CYP4F8: variants seen among roughly 807,000 people sequenced by gnomAD.
The protein encoded by CYP4F8 is cytochrome P450 4F8.
CYP4F8 carries 56 observed loss-of-function variants against 55.0 expected under a neutral mutation model. That is an observed-to-expected ratio of 1.02 (90% CI 0.82 to 1.27). CYP4F8 has a LOEUF of 1.27. CYP4F8 is among the 50% of genes most tolerant of loss of function. The probability of loss-of-function intolerance (pLI) is 0.00; values close to 1 mark genes in which losing one functional copy is unlikely to be tolerated. For synonymous variants in CYP4F8, 288 were observed against 267.3 expected (o/e 1.08, Z -0.76); for missense variants, 680 against 682.4 (o/e 1.00, Z 0.04).
Position 15,628,571 on chromosome 19 carries a change from C to A in CYP4F8, c.1290C>A (p.Asn430Lys), listed in dbSNP as rs1376859995. The stretch of plus-strand genomic sequence containing the variant: ...TCAACATCTTCGCAATCCATCACAA[C>A]CCCTCAGTCTGGCCAGACCCTGAGG... ...CNINIFAIHH[N>K]PSVWPDPEVY... Residue 430 changes from asparagine to lysine, a missense_variant, in exon 11 of 13, where the codon AAC (asparagine) becomes AAA (lysine). Coordinates refer to ENST00000612078, the MANE Select transcript of CYP4F8 (RefSeq NM_007253.4). The A allele has an allele frequency of 4.3e-6, 7 of 1,613,828 alleles. No individual in the cohort carries two copies. The highest frequency in any genetic ancestry group is 5.9e-6 in the Non-Finnish European group (7 of 1,179,864).
At chr19:15,628,701 TGG>T in intron 11 of CYP4F8, 58 bp from the exon 12 acceptor site, 1 of 1,609,120 alleles carries the variant, frequency 6.2e-7, no homozygotes, top group Non-Finnish European at 8.5e-7. Context: ...CTGTTTTATG[TGG>T]GGGTGGCTGG....
rs748152506 is a variant in CYP4F8, at chr19:15,619,771, C to G, written c.525+9C>G. ...GTGCAAACATCATGCATGTGAGTGC[C>G]TTGAACTCAGCATCCCAGCTGCAGC... On this transcript the variant is annotated intron_variant, in intron 5 of 12. Coordinates refer to ENST00000612078, the MANE Select transcript of CYP4F8 (RefSeq NM_007253.4). The G allele has an allele frequency of 7.4e-6, 12 of 1,613,508 alleles. No individual in the cohort carries two copies. The East Asian group carries it at 2.7e-4, about 36-fold the overall frequency.
chr19:15,626,255 T>C (rs560313729), intron 9 of CYP4F8, among the ~76,000 whole-genome samples: 4 of 152,344 alleles, frequency 2.6e-5, no homozygotes, highest in Middle Eastern at 3.4e-3. Flanking sequence ...TGCTGGGCTG[T>C]AAAACACACA....
At chr19:15,620,623 G>A (rs2283604) in intron 5 of CYP4F8, among the ~76,000 whole-genome samples, 1 of 152,068 alleles carries the variant, frequency 6.6e-6, no homozygotes, top group Non-Finnish European at 1.5e-5. Context: ...AACTCCTGAC[G>A]TCAAGTGATC....
chr19:15,615,891 G>A (rs1057460585), intron 2 of CYP4F8, 77 bp downstream of exon 2: 10 of 809,370 alleles, frequency 1.2e-5, no homozygotes, highest in South Asian at 2.4e-5. Context: ...GGGTGGGCTC[G>A]GGTCTGGGAC....
At chr19:15,616,463 C>G (rs1396832379) in intron 2 of CYP4F8, among the ~76,000 whole-genome samples, 1 of 152,124 alleles carries the variant, frequency 6.6e-6, no homozygotes, top group African/African-American at 2.4e-5. Flanking sequence ...GTGGGGGTTA[C>G]GCAGCAGGTA....
chr19:15,618,443 A>G (rs1299679071), intron 3 of CYP4F8: 1 of 476,162 alleles, frequency 2.1e-6, no homozygotes, highest in Non-Finnish European at 3.9e-6. Context: ...CAGTACAGAG[A>G]CATCCCCAAC....
chr19:15,623,429 T>C (rs1972221382), intron 7 of CYP4F8, 54 bp downstream of exon 7: 3 of 1,598,364 alleles, frequency 1.9e-6, no homozygotes, highest in Non-Finnish European at 2.6e-6. Flanking sequence ...TCAGGTCAAA[T>C]GTCAGATTGA....
At chr19:15,626,607 A>ATCTATCTG (rs1359415107) in intron 9 of CYP4F8, among the ~76,000 whole-genome samples, 1 of 129,036 alleles carries the variant, frequency 7.7e-6, no homozygotes, top group African/African-American at 3.2e-5. Context: ...TGTTCTGGAT[A>ATCTATCTG]TCTATCTATC....
chr19:15,623,137 A>T lies in CYP4F8; in HGVS notation c.680A>T (p.Glu227Val), dbSNP rs1441141076. Reference sequence around the variant, plus strand: ...AGTGAATATATTACTGCGATCATGGAGCTCAGTGCCCTTGTAGTGAAACGG... The same window carrying T: ...AGTGAATATATTACTGCGATCATGGTGCTCAGTGCCCTTGTAGTGAAACGG... ...KPSEYITAIM[E>V]LSALVVKRNN... The change falls in exon 7 of 13, where the codon GAG becomes GTG. Residue 227 changes from glutamate to valine, a missense_variant. By Grantham distance (121) the Glu-to-Val change is moderately radical (BLOSUM62 -2). Coordinates refer to ENST00000612078, the MANE Select transcript of CYP4F8 (RefSeq NM_007253.4). The T allele has an allele frequency of 1.9e-6, 3 of 1,614,050 alleles. No individual in the cohort carries two copies. Among genetic ancestry groups the T allele is most frequent in the Non-Finnish European group, 1.7e-6 (2 of 1,179,994 alleles).
chr19:15,618,124 G>A lies in CYP4F8; in HGVS notation c.323G>A (p.Arg108Gln), dbSNP rs773731200. 17 of 1,613,958 alleles carry A rather than the reference G, an allele frequency of 1.1e-5. No individual in the cohort carries two copies. Among genetic ancestry groups the A allele is most frequent in the Middle Eastern group, 1.6e-4 (1 of 6,084 alleles). The change falls in exon 3 of 13, where the codon CGA (arginine) becomes CAA (glutamine). Residue 108 changes from arginine to glutamine, a missense_variant. By Grantham distance (43) the Arg-to-Gln change is conservative. Coordinates refer to ENST00000612078, the MANE Select transcript of CYP4F8 (RefSeq NM_007253.4). Reference protein sequence around the residue: ...IINLCHPDIVRSVINTSDAIT... With the variant: ...IINLCHPDIVQSVINTSDAIT... ...AACTTGTGCCACCCTGACATCGTCC[G>A]ATCTGTCATCAATACCTCAGGTACT...
chr19:15,616,636 A>G (rs149481105), intron 2 of CYP4F8, among the ~76,000 whole-genome samples: 5 of 152,240 alleles, frequency 3.3e-5, no homozygotes, highest in Admixed American at 1.3e-4. Context: ...ACATCATGAC[A>G]CAGCTGGGCC....
At chr19:15,624,617 G>C (rs1972239444) in intron 9 of CYP4F8, among the ~76,000 whole-genome samples, 1 of 152,166 alleles carries the variant, frequency 6.6e-6, no homozygotes, top group African/African-American at 2.4e-5. Context: ...CTGAGCCAAA[G>C]ACCATTTGAG....
chr19:15,628,679 C>G, intron 11 of CYP4F8, 82 bp from the exon 12 acceptor site: 2 of 1,606,892 alleles, frequency 1.2e-6, no homozygotes, highest in Non-Finnish European at 8.5e-7. Context: ...TCCCTCTCTA[C>G]TCCACCCACA....
intron 3 of CYP4F8, chr19:15,618,555 T>G: frequency 2.9e-6 from 1 of 349,034 alleles, no homozygotes; most frequent in Non-Finnish European, 5.6e-6. Flanking sequence ...GGAGGAGGCG[T>G]AGCAGGAGCT....
chr19:15,629,548 A>G lies in CYP4F8; in HGVS notation c.*190A>G, dbSNP rs1438457846. ...AGGCGGGGAGATGTCTCTGTGCCCA[A>G]GATACTCACTGCCTCTCTGGGTGAG... On this transcript the variant is annotated 3_prime_UTR_variant, in exon 13 of 13. Transcript: ENST00000612078. 2 of 747,122 alleles carry G rather than the reference A, an allele frequency of 2.7e-6. No individual in the cohort carries two copies. Among genetic ancestry groups the G allele is most frequent in the Non-Finnish European group, 2.0e-6 (1 of 494,094 alleles). 46.3% of individuals were successfully genotyped at this position (747,122 alleles called of 1,614,324 possible).
chr19:15,619,555 T>C lies in CYP4F8; in HGVS notation c.397+12T>C. On this transcript the variant is annotated intron_variant, in intron 4 of 12. Transcript: ENST00000612078. ...GAAGCCCTGGCTGGGTAAGTAACTG[T>C]AGGTGGACGGGACGGGGACCAACTT... 6.2e-7 allele frequency: 1 copy of C among 1,614,154 alleles called. No individual in the cohort carries two copies. The highest frequency in any genetic ancestry group is 8.5e-7 in the Non-Finnish European group (1 of 1,180,012).
Position 15,629,372 on chromosome 19 carries a change from C to T in CYP4F8, c.*14C>T, listed in dbSNP as rs1712357427. The T allele has an allele frequency of 1.9e-6, 3 of 1,589,626 alleles. 1 individual carries two copies. The highest frequency in any genetic ancestry group is 2.3e-5 in the South Asian group (2 of 87,644). ...CCCCTGGGCTGAGGCCTGCAGTGAC[C>T]CACCCACCTACCTTTGCATCACCTA... On this transcript the variant is annotated 3_prime_UTR_variant, in exon 13 of 13. Transcript: ENST00000612078.
chr19:15,623,061 A>C, intron 6 of CYP4F8, 44 bp from the exon 7 acceptor site: 1 of 1,583,690 alleles, frequency 6.3e-7, no homozygotes, highest in Middle Eastern at 1.7e-4. Context: ...CCAGGCTTTC[A>C]TGTGGGTAAG....
Sources: allele counts gnomAD v4.1 joint callset (sites outside exome capture counted in the v4.1 genomes callset), GRCh38; gene constraint gnomAD v4.1.1; transcripts MANE v1.5; gene names NCBI Gene and HGNC (gene_info 2026-07-23, HGNC 2026-07-21).